RBM47: variants seen among roughly 807,000 people sequenced by gnomAD.
RBM47 encodes RNA binding motif protein 47, also known as RNA-binding protein 47.
Under a neutral mutation model 47.1 loss-of-function variants are expected in RBM47, and 21 were observed. That is an observed-to-expected ratio of 0.45 (90% CI 0.32 to 0.64). The LOEUF is 0.64. RBM47 is among the 30% of genes least tolerant of loss of function. The pLI, the probability that RBM47 is intolerant of heterozygous loss-of-function variation, is 0.05. For synonymous variants in RBM47, 375 were observed against 361.7 expected (o/e 1.04, Z -0.42); for missense variants, 708 against 870.9 (o/e 0.81, Z 2.35).
At chr4:40,531,896 G>A (rs1005126313) in intron 2 of RBM47, among the ~76,000 whole-genome samples, 2 of 152,104 alleles carry the variant, frequency 1.3e-5, no homozygotes, top group Admixed American at 6.6e-5. Flanking sequence ...AGGCAGGGGG[G>A]TGAGGACAAA....
intron 2 of RBM47, among the ~76,000 whole-genome samples, chr4:40,541,542 G>A (rs543458302): frequency 3.3e-5 from 5 of 152,228 alleles, no homozygotes; most frequent in African/African-American, 9.6e-5. Flanking sequence ...TTCGAGACCA[G>A]CCTGGCCAAC....
chr4:40,553,260 C>T (rs1215388830), intron 1 of RBM47, among the ~76,000 whole-genome samples: 1 of 151,026 alleles, frequency 6.6e-6, no homozygotes, highest in Admixed American at 6.6e-5. Context: ...CTTCTTTGCT[C>T]ATATTATTAT....
chr4:40,556,883 T>C (rs1730146608), intron 1 of RBM47, among the ~76,000 whole-genome samples: 1 of 150,624 alleles, frequency 6.6e-6, no homozygotes, highest in Non-Finnish European at 1.5e-5. Context: ...GAGAGAAACC[T>C]TGTCTCAAAA....
chr4:40,540,084 G>A (rs1274634076), intron 2 of RBM47, among the ~76,000 whole-genome samples: 1 of 152,006 alleles, frequency 6.6e-6, no homozygotes, highest in Non-Finnish European at 1.5e-5. Context: ...TTCCCATCAG[G>A]AGCCCTGTGG....
At chr4:40,540,333 T>C (rs1728388454) in intron 2 of RBM47, among the ~76,000 whole-genome samples, 1 of 152,136 alleles carries the variant, frequency 6.6e-6, no homozygotes, top group South Asian at 2.1e-4. Context: ...AGAAGGATGT[T>C]AAAATTCTTT....
intron 2 of RBM47, among the ~76,000 whole-genome samples, chr4:40,505,895 CAAAA>C (rs1724040158): frequency 4.0e-4 from 3 of 7,518 alleles, no homozygotes; most frequent in African/African-American, 2.3e-3. Context: ...TCAAAAAAAA[CAAAA>C]CAAAACAAAA....
chr4:40,547,216 G>A (rs561430769), intron 1 of RBM47, among the ~76,000 whole-genome samples: 1 of 152,016 alleles, frequency 6.6e-6, no homozygotes, highest in African/African-American at 2.4e-5. Flanking sequence ...GCCCCTCCCT[G>A]CCCTGCCAAA....
rs183176750 is a variant in RBM47, at chr4:40,472,199, C to G, written c.-154-5500G>C. On this transcript the variant is annotated intron_variant, in intron 2 of 6. Transcript: ENST00000295971. ...ACCCAATCCAAGCCAATAGTAGGCA[C>G]TTAATTTTTTAATTAGTCTGAGATG... Among the ~76,000 whole-genome samples the G allele has an allele frequency of 9.8e-5, 15 of 152,300 alleles. 1 individual carries two copies. Among genetic ancestry groups the G allele is most frequent in the Admixed American group, 9.2e-4 (14 of 15,296 alleles).
chr4:40,451,285 C>T (rs977350106), intron 3 of RBM47, among the ~76,000 whole-genome samples: 10 of 151,604 alleles, frequency 6.6e-5, no homozygotes, highest in African/African-American at 2.4e-4. Flanking sequence ...CAATAATACT[C>T]ATTTAATTTG....
At chr4:40,556,536 T>G (rs1298184547) in intron 1 of RBM47, among the ~76,000 whole-genome samples, 2 of 152,020 alleles carry the variant, frequency 1.3e-5, no homozygotes, top group East Asian at 3.9e-4. Context: ...TTTTTGCTAT[T>G]ACTTTTAATG....
At chr4:40,447,356 CTTG>C (rs1714686478) in intron 3 of RBM47, among the ~76,000 whole-genome samples, 2 of 152,228 alleles carry the variant, frequency 1.3e-5, no homozygotes, top group Admixed American at 1.3e-4. Flanking sequence ...AGAGTTTGAA[CTTG>C]TTGGGTTAAA....
rs28555297 is a variant in RBM47, at chr4:40,568,096, G to A, written c.-239-23590C>T. ...CCACTGCACTCCAGCCTGGGTGACC[G>A]AGCGAGACTCTGTCTCAAAAACAAA... On this transcript the variant is annotated intron_variant, in intron 1 of 6. Transcript: ENST00000295971. 5.4e-3 allele frequency among the ~76,000 whole-genome samples: 821 copies of A among 151,394 alleles called. 7 individuals carry two copies. The highest frequency in any genetic ancestry group is 0.019 in the African/African-American group (797 of 41,232).
At position 40,504,415 on chromosome 4, in the gene RBM47, C is replaced by G. The variant is rs549103613; in HGVS notation, c.-154-37716G>C. Among the ~76,000 whole-genome samples, 126 of 152,012 alleles carry G rather than the reference C, an allele frequency of 8.3e-4. 2 individuals carry two copies. Among genetic ancestry groups the G allele is most frequent in the African/African-American group, 2.8e-3 (116 of 41,448 alleles). On this transcript the variant is annotated intron_variant, in intron 2 of 6. Coordinates refer to ENST00000295971, the MANE Select transcript of RBM47 (RefSeq NM_001098634.2). ...AAGAAATTCTCCTGCCTCAGCCTTC[C>G]CAGTAGCTGGGATTACAGGTGCCCG...
At chr4:40,616,756 A>C (rs1736769734) in intron 1 of RBM47, among the ~76,000 whole-genome samples, 1 of 151,836 alleles carries the variant, frequency 6.6e-6, no homozygotes, top group Admixed American at 6.6e-5. Flanking sequence ...CAAGAAATAC[A>C]TTTACGTGTT....
rs574048289 is a variant in RBM47, at chr4:40,624,042, G to C, written c.-240+5354C>G. 1.4e-3 allele frequency among the ~76,000 whole-genome samples: 211 copies of C among 152,212 alleles called. 1 individual carries two copies. Among genetic ancestry groups the C allele is most frequent in the Non-Finnish European group, 2.5e-3 (173 of 68,004 alleles). ...AATTTTTGTATTTTTTGTAGAGATG[G>C]GGTTTTGCCATGTTGCCTAGATTGT... On this transcript the variant is annotated intron_variant, in intron 1 of 6. Coordinates refer to ENST00000295971, the MANE Select transcript of RBM47 (RefSeq NM_001098634.2).
chr4:40,471,731 G>T (rs1428393191), intron 2 of RBM47, among the ~76,000 whole-genome samples: 2 of 150,064 alleles, frequency 1.3e-5, no homozygotes, highest in Admixed American at 6.6e-5. Flanking sequence ...TCACCCTTCT[G>T]CTTAAACCCC....
chr4:40,508,929 G>C (rs978595827), intron 2 of RBM47, among the ~76,000 whole-genome samples: 1 of 152,228 alleles, frequency 6.6e-6, no homozygotes, highest in African/African-American at 2.4e-5. Flanking sequence ...GGTAGGCCAA[G>C]GTGGGCGGAT....
At chr4:40,464,600 T>C (rs1238495179) in intron 3 of RBM47, among the ~76,000 whole-genome samples, 1 of 151,608 alleles carries the variant, frequency 6.6e-6, no homozygotes, top group African/African-American at 2.4e-5. Context: ...GACTACTGTA[T>C]ATGAAAATTA....
intron 3 of RBM47, among the ~76,000 whole-genome samples, chr4:40,440,574 T>C (rs1713463832): frequency 6.6e-6 from 1 of 152,208 alleles, no homozygotes; most frequent in Admixed American, 6.5e-5. Context: ...ATCTGAGCTA[T>C]TTATTTGCCA....
Sources: gnomAD v4.1 joint callset for allele counts (sites outside exome capture counted in the v4.1 genomes callset) on GRCh38, gnomAD v4.1.1 for gene constraint, MANE v1.5 for transcripts, NCBI Gene and HGNC (gene_info 2026-07-23, HGNC 2026-07-21) for gene names.